Variants in WDTC1 observed in about 807,000 individuals in gnomAD.
WDTC1 encodes the protein WD and tetratricopeptide repeats 1, also known as WD and tetratricopeptide repeats protein 1.
In WDTC1, 12 loss-of-function variants were observed where a neutral mutation model predicts 76.0. The ratio of observed to expected loss-of-function variants is 0.16; its 90% CI spans 0.10 to 0.26. The LOEUF is 0.26. Ranked by LOEUF, WDTC1 falls within the 10% of genes least tolerant of loss-of-function variation. The probability of loss-of-function intolerance (pLI) is 1.00; values close to 1 mark genes in which losing one functional copy is unlikely to be tolerated. For missense variants in WDTC1, 511 were observed against 908.8 expected (o/e 0.56, Z 5.63); for synonymous variants, 326 against 350.8 (o/e 0.93, Z 0.79).
intron 1 of WDTC1, among the ~76,000 whole-genome samples, chr1:27,244,622 C>T (rs1238967073): frequency 6.6e-6 from 1 of 152,182 alleles, no homozygotes; most frequent in African/African-American, 2.4e-5. Context: ...ACTGAGATTA[C>T]AGGCATGAGC....
At chr1:27,241,804 T>G (rs766056497) in intron 1 of WDTC1, among the ~76,000 whole-genome samples, 10 of 152,130 alleles carry the variant, frequency 6.6e-5, no homozygotes, top group African/African-American at 2.4e-4. Context: ...AAATTAGCTA[T>G]GATCACTGGA....
intron 1 of WDTC1, among the ~76,000 whole-genome samples, chr1:27,242,394 A>G (rs948415020): frequency 6.6e-5 from 10 of 152,166 alleles, no homozygotes; most frequent in African/African-American, 2.4e-4. Context: ...CCTTAAGCCT[A>G]GGAGTTCAAA....
intron 5 of WDTC1, among the ~76,000 whole-genome samples, chr1:27,284,707 C>G (rs572622138): frequency 2.0e-5 from 3 of 151,980 alleles, no homozygotes; most frequent in African/African-American, 4.8e-5. Context: ...TTGATACTCC[C>G]TAACGGTAAG....
At chr1:27,278,826 A>G (rs1424100604) in intron 3 of WDTC1, among the ~76,000 whole-genome samples, 2 of 152,234 alleles carry the variant, frequency 1.3e-5, no homozygotes, top group African/African-American at 4.8e-5. Context: ...TATCCAGGCC[A>G]GGTATGGTGG....
At chr1:27,252,237 C>G (rs191632076) in intron 1 of WDTC1, among the ~76,000 whole-genome samples, 124 of 152,006 alleles carry the variant, frequency 8.2e-4, no homozygotes, top group Middle Eastern at 3.4e-3. Flanking sequence ...GTCCCAGCTA[C>G]TCAGGAGGGT....
intron 1 of WDTC1, among the ~76,000 whole-genome samples, chr1:27,244,722 TG>T (rs1373323016): frequency 6.6e-6 from 1 of 152,180 alleles, no homozygotes; most frequent in Non-Finnish European, 1.5e-5. Flanking sequence ...TCATCTTTTT[TG>T]TAGGATTGCT....
At chr1:27,263,695 C>T (rs542491369) in intron 3 of WDTC1, among the ~76,000 whole-genome samples, 2 of 152,234 alleles carry the variant, frequency 1.3e-5, no homozygotes, top group South Asian at 2.1e-4. Context: ...TGGACTCCCA[C>T]TGGGATTACA....
Position 27,258,529 on chromosome 1 carries a change from CA to C in WDTC1, c.-99-2415del, listed in dbSNP as rs113977595. On this transcript the variant is annotated intron_variant, in intron 1 of 15. Transcript: ENST00000319394. ...CCTGAGCAACAGAACAAGACTCTGC[CA>C]AAAAAAAAAAAGAAAAAAAAAGAAA... 2.7e-3 allele frequency among the ~76,000 whole-genome samples: 327 copies of C among 122,076 alleles called. 3 individuals are homozygous for C. Among genetic ancestry groups the C allele is most frequent in the African/African-American group, 9.8e-3 (310 of 31,736 alleles). 80.1% of individuals were successfully genotyped at this position (122,076 alleles called of 152,430 possible).
intron 7 of WDTC1, 69 bp downstream of exon 7, chr1:27,292,466 C>A (rs1284162266): frequency 1.4e-6 from 2 of 1,383,932 alleles, no homozygotes; most frequent in Non-Finnish European, 1.9e-6. Context: ...CTTTCCCTCA[C>A]TGCCATTGCC....
At chr1:27,267,029 TTCATAACCTTA>T (rs1174316630) in intron 3 of WDTC1, among the ~76,000 whole-genome samples, 1 of 152,206 alleles carries the variant, frequency 6.6e-6, no homozygotes, top group Admixed American at 6.6e-5. Context: ...AGAGGTAGCT[TTCATAACCTTA>T]TCCCTATTCA....
chr1:27,282,166 C>T (rs551618970), intron 3 of WDTC1, 73 bp from the exon 4 acceptor site: 1 of 1,445,368 alleles, frequency 6.9e-7, no homozygotes, highest in East Asian at 2.3e-5. Context: ...TGTTCAGTTC[C>T]ACTTCTTGGT....
intron 3 of WDTC1, among the ~76,000 whole-genome samples, chr1:27,276,148 C>G (rs1311781011): frequency 6.6e-6 from 1 of 152,134 alleles, no homozygotes; most frequent in African/African-American, 2.4e-5. Context: ...GTGGTTGTTT[C>G]TATTTTTTGG....
rs145000228 is a variant in WDTC1, at chr1:27,281,805, A to C, written c.133-434A>C. Among the ~76,000 whole-genome samples, 250 of 152,100 alleles carry C rather than the reference A, an allele frequency of 1.6e-3. 3 individuals carry two copies. Among genetic ancestry groups the C allele is most frequent in the African/African-American group, 5.7e-3 (235 of 41,516 alleles). ...GGGTTTCGCCGTGTTGCCCAGGTTG[A>C]TTACAACTCCTGAGCTCAAGCAATC... On this transcript the variant is annotated intron_variant, in intron 3 of 15. Transcript: ENST00000319394.
intron 1 of WDTC1, among the ~76,000 whole-genome samples, chr1:27,249,047 C>T (rs1168329413): frequency 1.3e-5 from 2 of 152,188 alleles, no homozygotes; most frequent in Non-Finnish European, 2.9e-5. Context: ...GCAGACAGAT[C>T]ACTTGAGGCC....
chr1:27,284,897 A>G (rs2013289455), intron 5 of WDTC1, among the ~76,000 whole-genome samples: 1 of 152,182 alleles, frequency 6.6e-6, no homozygotes, highest in African/African-American at 2.4e-5. Context: ...GGCAGCAGCC[A>G]CAAGATCATG....
intron 13 of WDTC1, among the ~76,000 whole-genome samples, chr1:27,302,750 C>T (rs1033811984): frequency 2.6e-5 from 4 of 151,860 alleles, no homozygotes; most frequent in African/African-American, 7.3e-5. Flanking sequence ...CAAACAACAA[C>T]AACAACAAAA....
intron 1 of WDTC1, among the ~76,000 whole-genome samples, chr1:27,245,172 A>G (rs1366073903): frequency 2.0e-5 from 3 of 151,768 alleles, no homozygotes; most frequent in Non-Finnish European, 4.4e-5. Context: ...ATTATCGTAC[A>G]TGAATATTCA....
At chr1:27,263,681 G>A (rs1259247935) in intron 3 of WDTC1, among the ~76,000 whole-genome samples, 7 of 152,038 alleles carry the variant, frequency 4.6e-5, no homozygotes, top group African/African-American at 7.2e-5. Flanking sequence ...TGATCCGCCC[G>A]CCTTGGACTC....
chr1:27,263,351 G>A (rs973172568), intron 3 of WDTC1, 116 bp downstream of exon 3: 23 of 856,380 alleles, frequency 2.7e-5, no homozygotes, highest in Non-Finnish European at 3.8e-5. Flanking sequence ...GGCCATATCT[G>A]ACAGTTACTT....
Sources: allele counts gnomAD v4.1 joint callset (sites outside exome capture counted in the v4.1 genomes callset), GRCh38; gene constraint gnomAD v4.1.1; transcripts MANE v1.5; gene names NCBI Gene and HGNC (gene_info 2026-07-23, HGNC 2026-07-21).